Variants in DST observed in about 807,000 individuals in gnomAD.
DST encodes dystonin.
Under a neutral mutation model 875.2 loss-of-function variants are expected in DST, and 253 were observed. The observed-to-expected ratio is 0.29, with a 90% CI of 0.26 to 0.32. The LOEUF is 0.32. Ranked by LOEUF, DST falls within the 10% of genes least tolerant of loss-of-function variation. DST has a pLI of 1.00. For missense variants in DST, 8,287 were observed against 9,111.6 expected, an observed-to-expected ratio of 0.91 and a Z score of 3.68; for synonymous variants, 3,124 against 3,197.1, an observed-to-expected ratio of 0.98 and a Z score of 0.77.
intron 4 of DST, chr6:56,843,725 G>T: frequency 9.4e-6 from 2 of 212,958 alleles, no homozygotes; most frequent in Non-Finnish European, 1.4e-5. Context: ...AGGGTGGAGG[G>T]TGGAGAGTGG....
chr6:56,485,275 C>A (rs777911764), intron 88 of DST, 37 bp downstream of exon 88: 1 of 1,610,312 alleles, frequency 6.2e-7, no homozygotes, highest in African/African-American at 1.3e-5. Context: ...TCAGAATAAT[C>A]AAACAAGATA....
intron 48 of DST, among the ~76,000 whole-genome samples, chr6:56,593,331 C>T (rs530231930): frequency 4.0e-5 from 6 of 151,868 alleles, no homozygotes; most frequent in African/African-American, 1.4e-4. Context: ...CTGGCTAATA[C>T]AGTGAAACCC....
rs752645803 is a variant in DST, at chr6:56,601,500, G to A, written c.11484C>T (p.Thr3828=). ...CFLDVQESVT[T]QVERLETQLH... ...ACTGAGTCTCTAAACGTTCCACCTG[G>A]GTAGTTACTGACTCCTGTACATCAA... Residue 3828 remains threonine (T), a synonymous_variant, in exon 44 of 104, where the codon ACC becomes ACT. Coordinates refer to ENST00000680361, the MANE Select transcript of DST (RefSeq NM_001374736.1). 2 of 1,605,944 alleles carry A rather than the reference G, an allele frequency of 1.2e-6. No individual in the cohort carries two copies. The highest frequency in any genetic ancestry group is 1.7e-6 in the Non-Finnish European group (2 of 1,176,468).
intron 69 of DST, among the ~76,000 whole-genome samples, chr6:56,525,641 C>T (rs1419970219): frequency 6.6e-6 from 1 of 152,136 alleles, no homozygotes; most frequent in African/African-American, 2.4e-5. Flanking sequence ...TCATACTACC[C>T]CCACACATAA....
chr6:56,937,146 T>C (rs1259754441), intron 2 of DST, among the ~76,000 whole-genome samples: 1 of 152,018 alleles, frequency 6.6e-6, no homozygotes, highest in Middle Eastern at 3.2e-3. Flanking sequence ...GACACCAAAG[T>C]ATAATCCATA....
chr6:56,871,783 A>G, intron 3 of DST: 1 of 334,644 alleles, frequency 3.0e-6, no homozygotes, highest in South Asian at 3.0e-5. Context: ...AAGTAAAAAA[A>G]AAAAAAAAAA....
intron 49 of DST, among the ~76,000 whole-genome samples, 152 bp downstream of exon 49, chr6:56,592,030 G>A (rs2098284330): frequency 6.6e-6 from 1 of 151,168 alleles, no homozygotes; most frequent in African/African-American, 2.4e-5. Context: ...ATGTACTGTG[G>A]AGAAATAGAG....
intron 61 of DST, among the ~76,000 whole-genome samples, chr6:56,543,155 G>C (rs1480293890): frequency 2.0e-5 from 3 of 152,216 alleles, no homozygotes; most frequent in Admixed American, 2.0e-4. Flanking sequence ...AAGGTCCAGA[G>C]ACCGCACTCA....
intron 93 of DST, among the ~76,000 whole-genome samples, chr6:56,473,044 A>G (rs551243413): frequency 1.3e-5 from 2 of 152,338 alleles, no homozygotes; most frequent in Admixed American, 6.5e-5. Flanking sequence ...AGCATTTTGT[A>G]TGTACTAGCT....
intron 4 of DST, among the ~76,000 whole-genome samples, chr6:56,815,126 C>T (rs1271989270): frequency 1.3e-5 from 2 of 152,054 alleles, no homozygotes; most frequent in Non-Finnish European, 2.9e-5. Flanking sequence ...GTTTACTGCA[C>T]TATGCAGATT....
At chr6:56,462,560 A>C (rs2094389362) in intron 102 of DST, among the ~76,000 whole-genome samples, 1 of 152,166 alleles carries the variant, frequency 6.6e-6, no homozygotes, top group Non-Finnish European at 1.5e-5. Flanking sequence ...AATGTAACAG[A>C]CATCCAGAAG....
intron 93 of DST, 148 bp downstream of exon 93, chr6:56,473,725 G>T: frequency 1.4e-6 from 1 of 697,290 alleles, no homozygotes; most frequent in Non-Finnish European, 2.3e-6. Flanking sequence ...TACAATACTT[G>T]AGCACACGTA....
At chr6:56,735,207 G>C in intron 5 of DST, 21 bp downstream of exon 5, 3 of 1,493,384 alleles carry the variant, frequency 2.0e-6, no homozygotes, top group Non-Finnish European at 1.8e-6. Context: ...ATTCCAGGAA[G>C]TGAACGAAAT....
intron 17 of DST, among the ~76,000 whole-genome samples, chr6:56,641,115 CAGAGAGAGAG>C (rs145412096): frequency 1.5e-4 from 22 of 142,628 alleles, no homozygotes; most frequent in South Asian, 4.6e-4. Context: ...TATTTATGCA[CAGAGAGAGAG>C]AGAGAGAGAG....
At chr6:56,578,298 C>T (rs1339603653) in intron 50 of DST, among the ~76,000 whole-genome samples, 1 of 152,134 alleles carries the variant, frequency 6.6e-6, no homozygotes, top group Non-Finnish European at 1.5e-5. Context: ...CTGCTTGAGC[C>T]CAGGAAGTCA....
rs139421069 is a variant in DST, at chr6:56,816,862, A to G, written c.625+34535T>C. 2.5e-3 allele frequency among the ~76,000 whole-genome samples: 385 copies of G among 151,132 alleles called. 3 individuals carry two copies. The highest frequency in any genetic ancestry group is 8.9e-3 in the African/African-American group (364 of 41,098). Reference sequence around the variant, plus strand: ...CTATGCTCTTCAGAATATTCCTACCATATATAAAGTACAGCTTGTTAGCAA... The same window carrying G: ...CTATGCTCTTCAGAATATTCCTACCGTATATAAAGTACAGCTTGTTAGCAA... On this transcript the variant is annotated intron_variant, in intron 4 of 103. Transcript: ENST00000680361.
chr6:56,931,436 T>A (rs1281975947), intron 2 of DST, among the ~76,000 whole-genome samples: 3 of 151,892 alleles, frequency 2.0e-5, no homozygotes, highest in Non-Finnish European at 2.9e-5. Flanking sequence ...AAATGTGAGG[T>A]CAGAGCCCCC....
At position 56,741,475 on chromosome 6, in the gene DST, GA is replaced by G. The variant is rs550927514; in HGVS notation, c.626-6187del. On this transcript the variant is annotated intron_variant, in intron 4 of 103. Coordinates refer to ENST00000680361, the MANE Select transcript of DST (RefSeq NM_001374736.1). ...TACCAAAATATGCTCTTTAACATGA[GA>G]AGGCTTCCACAATGCTACAGGAATG... 3.0e-3 allele frequency among the ~76,000 whole-genome samples: 461 copies of G among 152,252 alleles called. 3 individuals are homozygous for G. The highest frequency in any genetic ancestry group is 0.011 in the African/African-American group (449 of 41,548).
intron 4 of DST, among the ~76,000 whole-genome samples, chr6:56,799,017 G>A (rs142735402): frequency 6.6e-6 from 1 of 152,320 alleles, no homozygotes; most frequent in Non-Finnish European, 1.5e-5. Flanking sequence ...TGCTTCTTAT[G>A]GATCAGCAAA....
Sources: gnomAD v4.1 joint callset for allele counts (sites outside exome capture counted in the v4.1 genomes callset) on GRCh38, gnomAD v4.1.1 for gene constraint, MANE v1.5 for transcripts, NCBI Gene and HGNC (gene_info 2026-07-23, HGNC 2026-07-21) for gene names.